Variants in MRC1 observed in about 807,000 individuals in gnomAD.
MRC1 encodes the protein mannose receptor C-type 1.
Under a neutral mutation model 102.9 loss-of-function variants are expected in MRC1, and 62 were observed. That is an observed-to-expected ratio of 0.60 (90% CI 0.49 to 0.74). MRC1 has a LOEUF of 0.74. Ranked by LOEUF, MRC1 falls within the 30% of genes least tolerant of loss-of-function variation. MRC1 has a pLI of 0.00. For synonymous variants in MRC1, 457 were observed against 298.4 expected, an observed-to-expected ratio of 1.53 and a Z score of -5.48; for missense variants, 1,237 against 862.8, an observed-to-expected ratio of 1.43 and a Z score of -5.43.
rs917509618 is a variant in MRC1 at position 17,816,448 on chromosome 10, T to C, written c.62-6626T>C. 1.8e-4 allele frequency among the ~76,000 whole-genome samples: 28 copies of C among 152,156 alleles called. No individual in the cohort carries two copies. The South Asian group carries it at 5.2e-3, about 28-fold the overall frequency. ...AGGAGCTCTGGGCGACGGTGTGGAA[T>C]GGTTGCCTTGGACTCATCACATCCA... On this transcript the variant is annotated intron_variant, in intron 1 of 29. Transcript: ENST00000569591.
intron 1 of MRC1, among the ~76,000 whole-genome samples, chr10:17,816,642 G>C (rs1554837909): frequency 6.6e-6 from 1 of 152,190 alleles, no homozygotes; most frequent in African/African-American, 2.4e-5. Context: ...CTGGCGTTTG[G>C]GAGTGGGGCC....
intron 12 of MRC1, among the ~76,000 whole-genome samples, chr10:17,868,500 G>C (rs1258441746): frequency 1.3e-5 from 2 of 152,154 alleles, no homozygotes; most frequent in Non-Finnish European, 2.9e-5. Context: ...GGGGATTACA[G>C]GTCCCTCCTT....
chr10:17,818,329 C>T (rs1838343502), intron 1 of MRC1, among the ~76,000 whole-genome samples: 1 of 152,122 alleles, frequency 6.6e-6, no homozygotes, highest in Non-Finnish European at 1.5e-5. Context: ...TTTATGCTCC[C>T]CAAAAAGAGA....
At chr10:17,897,533 T>C (rs1833772550) in intron 23 of MRC1, among the ~76,000 whole-genome samples, 1 of 149,484 alleles carries the variant, frequency 6.7e-6, no homozygotes, top group Non-Finnish European at 1.5e-5. Context: ...TTCCAGAATC[T>C]ACACCCGTTA....
At chr10:17,849,541 T>C (rs782774941) in intron 6 of MRC1, 38 bp from the exon 7 acceptor site, 1 of 704,794 alleles carries the variant, frequency 1.4e-6, no homozygotes, top group Non-Finnish European at 2.6e-6. Flanking sequence ...TAATCAAATC[T>C]TTTAAAATTT....
intron 4 of MRC1, among the ~76,000 whole-genome samples, chr10:17,839,955 A>G (rs892064044): frequency 1.3e-5 from 2 of 151,218 alleles, no homozygotes; most frequent in Admixed American, 6.6e-5. Flanking sequence ...AATCCCAGCT[A>G]CTCGAGAGGC....
At chr10:17,815,320 A>G (rs1282332611) in intron 1 of MRC1, among the ~76,000 whole-genome samples, 1 of 152,314 alleles carries the variant, frequency 6.6e-6, no homozygotes, top group Admixed American at 6.5e-5. Context: ...GATTGACATG[A>G]TACATACATA....
At chr10:17,905,315 T>C (rs1354729680) in intron 26 of MRC1, among the ~76,000 whole-genome samples, 2 of 152,214 alleles carry the variant, frequency 1.3e-5, no homozygotes, top group Non-Finnish European at 2.9e-5. Flanking sequence ...TTTTCTTGCA[T>C]AAATGCTTCT....
At chr10:17,847,021 A>C (rs1554840279) in intron 6 of MRC1, among the ~76,000 whole-genome samples, 2 of 152,220 alleles carry the variant, frequency 1.3e-5, no homozygotes. Flanking sequence ...TCCTAAATAG[A>C]TATAGATGCG....
intron 11 of MRC1, among the ~76,000 whole-genome samples, chr10:17,866,224 T>C (rs909049784): frequency 2.7e-3 from 386 of 144,918 alleles, no homozygotes; most frequent in African/African-American, 9.5e-3. Flanking sequence ...AGGAAAAGAA[T>C]CTTAAAAAAT....
intron 3 of MRC1, among the ~76,000 whole-genome samples, chr10:17,831,082 G>C (rs1838564392): frequency 1.4e-5 from 2 of 146,860 alleles, no homozygotes; most frequent in South Asian, 4.2e-4. Flanking sequence ...ATTTTTAGTA[G>C]AGACGGAGTT....
chr10:17,872,875 G>A (rs1436766366), intron 15 of MRC1, among the ~76,000 whole-genome samples: 1 of 152,144 alleles, frequency 6.6e-6, no homozygotes, highest in Non-Finnish European at 1.5e-5. Context: ...ATGGATAAAT[G>A]GAACTGCATT....
chr10:17,822,969 T>C, intron 1 of MRC1, 105 bp from the exon 2 acceptor site: 1 of 719,468 alleles, frequency 1.4e-6, no homozygotes, highest in East Asian at 2.6e-5. Flanking sequence ...TTTAGGGAAA[T>C]GGAAGAGTTG....
chr10:17,811,499 C>G (rs1318031892), intron 1 of MRC1, among the ~76,000 whole-genome samples: 8 of 150,606 alleles, frequency 5.3e-5, no homozygotes, highest in Admixed American at 4.7e-4. Flanking sequence ...GGAGAATAAA[C>G]AAACAAAAAA....
chr10:17,883,460 C>T lies in MRC1; in HGVS notation c.2981-1809C>T, dbSNP rs923372025. ...ATGCTGCTTTTTCTTTTCTGAAAAA[C>T]GGTGGAAGAGTTTTTTTTTTTTTTT... is the stretch of plus-strand genomic sequence containing the variant. On this transcript the variant is annotated intron_variant, in intron 21 of 29. Transcript: ENST00000569591. Among the ~76,000 whole-genome samples, 103 of 151,168 alleles carry T rather than the reference C, an allele frequency of 6.8e-4. No homozygotes were observed. In the East Asian group the frequency reaches 0.013, roughly 18 times the overall value.
chr10:17,879,712 C>T lies in MRC1; in HGVS notation c.2619-9C>T. ...GATCGTTTCAAAATGCCTGAATTTT[C>T]TTTTCCAGTTGGATGGATGGAAGCA... On this transcript the variant is annotated splice_polypyrimidine_tract_variant and intron_variant, in intron 18 of 29. Coordinates refer to ENST00000569591, the MANE Select transcript of MRC1 (RefSeq NM_002438.4). The T allele has an allele frequency of 1.3e-6, 1 of 780,810 alleles. No individual in the cohort carries two copies. Among genetic ancestry groups the T allele is most frequent in the Non-Finnish European group, 2.4e-6 (1 of 417,962 alleles). 48.4% of individuals were successfully genotyped at this position (780,810 alleles called of 1,614,324 possible).
intron 5 of MRC1, among the ~76,000 whole-genome samples, chr10:17,842,108 A>G (rs1420842745): frequency 2.0e-5 from 3 of 152,198 alleles, no homozygotes; most frequent in East Asian, 3.9e-4. Context: ...GATTACAAGC[A>G]TGCACCACCA....
Position 17,906,886 on chromosome 10 carries a change from G to A in MRC1, c.3800G>A (p.Gly1267Asp). 3 of 782,550 alleles carry A rather than the reference G, an allele frequency of 3.8e-6. No homozygotes were observed. The highest frequency in any genetic ancestry group is 1.7e-5 in the Admixed American group (1 of 59,018). The allele number at this position is 782,550 out of a possible 1,614,324, so 48.5% of individuals were successfully genotyped here. Residue 1267 changes from glycine to aspartate, a missense_variant and splice_region_variant, in exon 27 of 30, where the codon GGT (glycine) becomes GAT (aspartate). Transcript: ENST00000569591. ...GQASLECLRMGSSLVSIESAA... is the reference protein window; with the variant it reads ...GQASLECLRMDSSLVSIESAA... ...ATATTTATCCTTTTACGCTTTCTAG[G>A]TTCCTCTCTGGTTTCCATTGAAAGT...
At chr10:17,839,482 T>G (rs1435321234) in intron 4 of MRC1, among the ~76,000 whole-genome samples, 7 of 53,792 alleles carry the variant, frequency 1.3e-4, no homozygotes, top group Admixed American at 7.1e-4. Context: ...TAGTACAACT[T>G]TAAAGAATTT....
Sources: gnomAD v4.1 joint callset for allele counts (sites outside exome capture counted in the v4.1 genomes callset) on GRCh38, gnomAD v4.1.1 for gene constraint, MANE v1.5 for transcripts, NCBI Gene and HGNC (gene_info 2026-07-23, HGNC 2026-07-21) for gene names.